The following REX1BD variants were observed in gnomAD, a reference collection of about 807,000 sequenced individuals.
The protein encoded by REX1BD is required for excision 1-B domain containing, also known as required for excision 1-B domain-containing protein.
REX1BD carries 22 observed loss-of-function variants against 24.4 expected under a neutral mutation model. That is an observed-to-expected ratio of 0.90 (90% CI 0.64 to 1.29). REX1BD has a LOEUF of 1.29. Ranked by LOEUF, REX1BD falls within the 50% of genes most tolerant of loss-of-function variation. The probability of loss-of-function intolerance (pLI) is 0.00; values close to 1 mark genes in which losing one functional copy is unlikely to be tolerated. For synonymous variants in REX1BD, 146 were observed against 125.9 expected, an observed-to-expected ratio of 1.16 and a Z score of -1.07; for missense variants, 293 against 285.3, an observed-to-expected ratio of 1.03 and a Z score of -0.19.
At chr19:18,591,742 C>G (rs111981602) in intron 4 of REX1BD, 2,854 of 244,394 alleles carry the variant, frequency 0.012, 87 homozygotes, top group African/African-American at 0.059. Context: ...TTACAGATGC[C>G]CGCCACCATG....
intron 3 of REX1BD, chr19:18,590,636 C>T (rs963669377): frequency 7.7e-6 from 4 of 519,816 alleles, no homozygotes; most frequent in Non-Finnish European, 1.4e-5. Context: ...GCCACGCCCA[C>T]ATCGCGCTCA....
intron 3 of REX1BD, 169 bp downstream of exon 3, chr19:18,589,852 C>A: frequency 9.6e-7 from 1 of 1,046,820 alleles, no homozygotes; most frequent in Non-Finnish European, 1.3e-6. Flanking sequence ...CGGACCTTGC[C>A]CTCTGCTGTT....
In REX1BD at chr19:18,589,469, C is replaced by A. The variant is rs1484171561; in HGVS notation, c.239C>A (p.Thr80Lys). ...TGGGGGCGCGGCCTCAGGGTCCCCA[C>A]ATGCCGCAGAGGCCACCGCCAGTAC... is the stretch of plus-strand genomic sequence containing the variant. ...RAWGRGLRVP[T>K]CRRGHRQYLR... is the part of the protein sequence containing the mutation. Residue 80 changes from threonine to lysine, a missense_variant, in exon 3 of 5, where the codon ACA becomes AAA. By Grantham distance (78) the Thr-to-Lys change is moderately conservative. Transcript: ENST00000358607. The A allele has an allele frequency of 6.4e-7, 1 of 1,557,970 alleles. No homozygotes were observed. The highest frequency in any genetic ancestry group is 8.7e-7 in the Non-Finnish European group (1 of 1,152,354).
In REX1BD at chr19:18,592,156, G is replaced by A. The variant is rs781007018; in HGVS notation, c.582G>A (p.Arg194=). 6 of 1,614,110 alleles carry A rather than the reference G, an allele frequency of 3.7e-6. No individual in the cohort carries two copies. The highest frequency in any genetic ancestry group is 5.1e-6 in the Non-Finnish European group (6 of 1,180,010). Residue 194 remains arginine (R), a synonymous_variant, in exon 5 of 5, where the codon AGG becomes AGA. Coordinates refer to ENST00000358607, the MANE Select transcript of REX1BD (RefSeq NM_001100418.2). ...TCAGCGAGGTTCTCCAGGACCTTAGGTTTGATGCGGAATCTGCCGAGTGAT... is the reference window on the plus strand; with the variant it reads ...TCAGCGAGGTTCTCCAGGACCTTAGATTTGATGCGGAATCTGCCGAGTGAT... ...EAISEVLQDL[R]FDAESAE
In REX1BD at chr19:18,592,174, C is replaced by T. The variant is rs200426561; in HGVS notation, c.600C>T (p.Ala200=). 22 of 1,614,050 alleles carry T rather than the reference C, an allele frequency of 1.4e-5. No homozygotes were observed. The highest frequency in any genetic ancestry group is 5.0e-5 in the Admixed American group (3 of 60,018). Reference sequence around the variant, plus strand: ...ACCTTAGGTTTGATGCGGAATCTGCCGAGTGATGGCGGCTCCCCAGGGATG... The same window carrying T: ...ACCTTAGGTTTGATGCGGAATCTGCTGAGTGATGGCGGCTCCCCAGGGATG... ...LQDLRFDAES[A]E Residue 200 remains alanine, a synonymous_variant, in exon 5 of 5, where the codon GCC becomes GCT. Coordinates refer to ENST00000358607, the MANE Select transcript of REX1BD (RefSeq NM_001100418.2).
chr19:18,591,995 C>T (rs566702827), intron 4 of REX1BD, 113 bp from the exon 5 acceptor site: 79 of 1,213,472 alleles, frequency 6.5e-5, no homozygotes, highest in Non-Finnish European at 8.8e-5. Flanking sequence ...GGAGGTTTGG[C>T]GGCGGGCAGG....
chr19:18,591,085 C>T (rs557278755), intron 4 of REX1BD, 152 bp downstream of exon 4: 9 of 648,274 alleles, frequency 1.4e-5, no homozygotes, highest in South Asian at 6.5e-5. Context: ...AGGGCACAGC[C>T]GTGAAACTTC....
Position 18,589,014 on chromosome 19 carries a change from C to G in REX1BD, c.119C>G (p.Thr40Arg). 1 of 1,527,804 alleles carries G rather than the reference C, an allele frequency of 6.5e-7. No homozygotes were observed. Among genetic ancestry groups the G allele is most frequent in the Non-Finnish European group, 8.7e-7 (1 of 1,143,872 alleles). 94.6% of individuals were successfully genotyped at this position (1,527,804 alleles called of 1,614,324 possible). ...AWPWKDAPIR[T>R]LVQRIHQLQA... ...CCGCAGAAAGACGCCCCGATCCGGA[C>G]GCTGGTGCAGCGCATCCACCAGCTG... Residue 40 changes from threonine (T) to arginine (R), a missense_variant, in exon 2 of 5, where the codon ACG becomes AGG. Physicochemically the swap from Thr to Arg is moderately conservative, Grantham distance 71. Coordinates refer to ENST00000358607, the MANE Select transcript of REX1BD (RefSeq NM_001100418.2).
At position 18,589,253 on chromosome 19, in the gene REX1BD, C is replaced by T. The variant is rs1276184815; in HGVS notation, c.183-160C>T. 13 of 1,534,118 alleles carry T rather than the reference C, an allele frequency of 8.5e-6. No homozygotes were observed. In the South Asian group the frequency reaches 1.4e-4, roughly 17 times the overall value. On this transcript the variant is annotated intron_variant, in intron 2 of 4. Transcript: ENST00000358607. ...CCTTCACGAAAAAGGCCCCACAGCA[C>T]GTCCCCACTACCCGACGACTCACTC... is the stretch of plus-strand genomic sequence containing the variant.
chr19:18,592,002 C>A, intron 4 of REX1BD, 106 bp from the exon 5 acceptor site: 1 of 1,317,074 alleles, frequency 7.6e-7, no homozygotes, highest in South Asian at 1.2e-5. Context: ...TGGCGGCGGG[C>A]AGGAGGGCCT....
chr19:18,589,482 C>T lies in REX1BD; in HGVS notation c.252C>T (p.Gly84=), dbSNP rs965881162. Residue 84 remains glycine, a synonymous_variant, in exon 3 of 5, where the codon GGC becomes GGT. Transcript: ENST00000358607. ...RGLRVPTCRR[G]HRQYLRSGPD... is the part of the protein sequence containing the mutation. The stretch of plus-strand genomic sequence containing the variant: ...TCAGGGTCCCCACATGCCGCAGAGG[C>T]CACCGCCAGTACCTGCGCAGCGGCC... 4 of 1,559,832 alleles carry T rather than the reference C, an allele frequency of 2.6e-6. No homozygotes were observed. The highest frequency in any genetic ancestry group is 2.6e-6 in the Non-Finnish European group (3 of 1,154,250).
rs1568437641 is a variant in REX1BD at position 18,589,666 on chromosome 19, C to CT, written c.436_437insT (p.Gln146LeufsTer36). 4 of 1,487,498 alleles carry CT rather than the reference C, an allele frequency of 2.7e-6. No homozygotes were observed. The highest frequency in any genetic ancestry group is 3.5e-6 in the Non-Finnish European group (4 of 1,126,932). 92.1% of individuals were successfully genotyped at this position (1,487,498 alleles called of 1,614,324 possible). On this transcript the variant is annotated frameshift_variant, in exon 3 of 5. Transcript: ENST00000358607. LOFTEE classifies it high-confidence loss of function. ...CGTGCGCAGCCTGCAGGAGCTGGAG[C>CT]AGACGCGGCTGGGCACGGTGAGGCC...
At position 18,592,305 on chromosome 19, in the gene REX1BD, A is replaced by G; in HGVS notation, c.*125A>G. The G allele has an allele frequency of 3.1e-6, 3 of 970,220 alleles. No individual in the cohort carries two copies. Among genetic ancestry groups the G allele is most frequent in the Non-Finnish European group, 3.2e-6 (2 of 627,838 alleles). 60.1% of individuals were successfully genotyped at this position (970,220 alleles called of 1,614,324 possible). A position where few individuals can be genotyped will look rare whatever the true frequency, so the allele number is the denominator to read the frequency against. On this transcript the variant is annotated 3_prime_UTR_variant, in exon 5 of 5. Transcript: ENST00000358607. ...GCTGCTGACCTTCCTGCAGTTCCAG[A>G]CACCTCCCACAATAAAGAGCTCCTC...
Position 18,589,467 on chromosome 19 carries a change from C to A in REX1BD, c.237C>A (p.Pro79=). ...LRAWGRGLRV[P]TCRRGHRQYL... ...CCTGGGGGCGCGGCCTCAGGGTCCC[C>A]ACATGCCGCAGAGGCCACCGCCAGT... Residue 79 remains proline (P), a synonymous_variant, in exon 3 of 5, where the codon CCC becomes CCA. Transcript: ENST00000358607. 1 of 1,557,602 alleles carries A rather than the reference C, an allele frequency of 6.4e-7. No homozygotes were observed. The highest frequency in any genetic ancestry group is 1.9e-5 in the Admixed American group (1 of 52,208).
In REX1BD at chr19:18,588,810, C is replaced by G; in HGVS notation, c.9C>G (p.Thr3=). ...GCCAGGGCTGCGCAGTCATGATCACCGAGACCGCGGCGGAGCCTACGGTCC... is the reference window on the plus strand; with the variant it reads ...GCCAGGGCTGCGCAGTCATGATCACGGAGACCGCGGCGGAGCCTACGGTCC... The part of the protein sequence containing the change: MI[T]ETAAEPTVPA... Residue 3 remains threonine (T), a synonymous_variant, in exon 1 of 5, where the codon ACC becomes ACG. Coordinates refer to ENST00000358607, the MANE Select transcript of REX1BD (RefSeq NM_001100418.2). The G allele has an allele frequency of 6.5e-7, 1 of 1,532,496 alleles. No individual in the cohort carries two copies. Among genetic ancestry groups the G allele is most frequent in the Non-Finnish European group, 8.7e-7 (1 of 1,145,700 alleles). The allele number at this position is 1,532,496 out of a possible 1,614,324, so 94.9% of individuals were successfully genotyped here. A position where few individuals can be genotyped will look rare whatever the true frequency, so the allele number is the denominator to read the frequency against.
chr19:18,591,983 C>A, intron 4 of REX1BD, 125 bp from the exon 5 acceptor site: 1 of 1,055,818 alleles, frequency 9.5e-7, no homozygotes, highest in Non-Finnish European at 1.4e-6. Context: ...CTAGTGCTGC[C>A]TGGAGGTTTG....
intron 4 of REX1BD, 117 bp from the exon 5 acceptor site, chr19:18,591,991 T>G: frequency 8.5e-7 from 1 of 1,170,346 alleles, no homozygotes. Context: ...GCCTGGAGGT[T>G]TGGCGGCGGG....
rs1161283698 is a variant in REX1BD, at chr19:18,592,138, G to C, written c.564G>C (p.Glu188Asp). ...KVIKTMEAISEVLQDLRFDAE... is the reference protein window; with the variant it reads ...KVIKTMEAISDVLQDLRFDAE... ...TTAAAACCATGGAGGCGATCAGCGA[G>C]GTTCTCCAGGACCTTAGGTTTGATG... The change falls in exon 5 of 5, where the codon GAG becomes GAC. Residue 188 changes from glutamate (E) to aspartate (D), a missense_variant. Transcript: ENST00000358607. 1 of 1,614,116 alleles carries C rather than the reference G, an allele frequency of 6.2e-7. No individual in the cohort carries two copies. Among genetic ancestry groups the C allele is most frequent in the Admixed American group, 1.7e-5 (1 of 60,030 alleles).
At chr19:18,591,977 T>G in intron 4 of REX1BD, 131 bp from the exon 5 acceptor site, 1 of 973,252 alleles carries the variant, frequency 1.0e-6, no homozygotes, top group African/African-American at 1.6e-5. Context: ...TTGCTGCTAG[T>G]GCTGCCTGGA....
Sources: allele counts gnomAD v4.1 joint callset, GRCh38; gene constraint gnomAD v4.1.1; transcripts MANE v1.5; gene names NCBI Gene and HGNC (gene_info 2026-07-23, HGNC 2026-07-21).